The following TMEM132D variants were observed in gnomAD, a reference collection of about 807,000 sequenced individuals.
TMEM132D encodes mature OL transmembrane protein.
TMEM132D carries 21 observed loss-of-function variants against 62.3 expected under a neutral mutation model. The ratio of observed to expected loss-of-function variants is 0.34; its 90% CI spans 0.24 to 0.49. The LOEUF is 0.49. Among genes scored for constraint, TMEM132D ranks in the 20% least tolerant of loss-of-function variants. The probability of loss-of-function intolerance (pLI) is 0.99; values close to 1 mark genes in which losing one functional copy is unlikely to be tolerated. For missense variants in TMEM132D, 1,346 were observed against 1,402.8 expected (o/e 0.96, Z 0.65); for synonymous variants, 621 against 575.6 (o/e 1.08, Z -1.13).
intron 5 of TMEM132D, among the ~76,000 whole-genome samples, chr12:129,181,415 C>A (rs1379030099): frequency 6.6e-6 from 1 of 152,150 alleles, no homozygotes; most frequent in East Asian, 1.9e-4. Context: ...TTTCACCCTG[C>A]TAGGATTCAT....
At chr12:129,688,665 C>T (rs591194) in intron 2 of TMEM132D, among the ~76,000 whole-genome samples, 33,660 of 151,668 alleles carry the variant, frequency 0.22, 4,063 homozygotes, top group Middle Eastern at 0.28. Context: ...ATCCACTCAT[C>T]CTTCCAATAT....
At chr12:129,789,631 G>T (rs1463018299) in intron 1 of TMEM132D, among the ~76,000 whole-genome samples, 4 of 152,198 alleles carry the variant, frequency 2.6e-5, no homozygotes, top group African/African-American at 2.4e-5. Context: ...AGAGGGCATA[G>T]GTTGAAGAAA....
chr12:129,127,960 TG>T, intron 5 of TMEM132D, among the ~76,000 whole-genome samples: 1 of 152,306 alleles, frequency 6.6e-6, no homozygotes, highest in African/African-American at 2.4e-5. Context: ...CATGGGTGCC[TG>T]GGGGAAGCTG....
intron 3 of TMEM132D, among the ~76,000 whole-genome samples, chr12:129,435,161 G>A (rs1872756245): frequency 6.6e-6 from 1 of 152,062 alleles, no homozygotes; most frequent in Non-Finnish European, 1.5e-5. Flanking sequence ...CTTTTTTAAT[G>A]GTGGACTAGC....
intron 3 of TMEM132D, among the ~76,000 whole-genome samples, chr12:129,421,109 C>G (rs1407979854): frequency 6.6e-6 from 1 of 151,808 alleles, no homozygotes; most frequent in East Asian, 1.9e-4. Flanking sequence ...TTACAAGCTC[C>G]CGCCATCACA....
At chr12:129,653,407 A>G (rs941945117) in intron 2 of TMEM132D, among the ~76,000 whole-genome samples, 4 of 152,220 alleles carry the variant, frequency 2.6e-5, no homozygotes, top group African/African-American at 9.6e-5. Context: ...ATCAGGAAAG[A>G]TATTTCTCCA....
At chr12:129,209,185 C>T (rs1878949097) in intron 5 of TMEM132D, among the ~76,000 whole-genome samples, 1 of 152,166 alleles carries the variant, frequency 6.6e-6, no homozygotes, top group African/African-American at 2.4e-5. Context: ...CCCTTCTTCT[C>T]CCCTGCCTGG....
At chr12:129,119,819 T>C (rs1310714183) in intron 5 of TMEM132D, among the ~76,000 whole-genome samples, 1 of 152,080 alleles carries the variant, frequency 6.6e-6, no homozygotes, top group Non-Finnish European at 1.5e-5. Flanking sequence ...GGGAAACAGA[T>C]GTAAATTCAA....
chr12:129,286,639 G>A (rs1018611743), intron 4 of TMEM132D, among the ~76,000 whole-genome samples: 15 of 152,116 alleles, frequency 9.9e-5, no homozygotes, highest in East Asian at 1.9e-4. Context: ...CTGGAGCTCC[G>A]GGCAATCAGG....
chr12:129,744,436 A>T (rs527631943), intron 1 of TMEM132D, among the ~76,000 whole-genome samples: 10 of 152,232 alleles, frequency 6.6e-5, no homozygotes, highest in Non-Finnish European at 1.3e-4. Context: ...CAGCTGGAGC[A>T]GACAGTCTGA....
At chr12:129,692,534 C>A (rs1004591763) in intron 2 of TMEM132D, among the ~76,000 whole-genome samples, 4 of 152,178 alleles carry the variant, frequency 2.6e-5, no homozygotes, top group Admixed American at 6.5e-5. Flanking sequence ...AAGATATATG[C>A]ATGCATATGT....
intron 3 of TMEM132D, among the ~76,000 whole-genome samples, chr12:129,397,209 T>A (rs1445210784): frequency 2.0e-5 from 3 of 152,200 alleles, no homozygotes; most frequent in Non-Finnish European, 4.4e-5. Context: ...ATAGAGAACT[T>A]AATAGATGTT....
chr12:129,570,815 GA>G (rs1189354751), intron 2 of TMEM132D, among the ~76,000 whole-genome samples: 2 of 152,178 alleles, frequency 1.3e-5, no homozygotes, highest in African/African-American at 4.8e-5. Flanking sequence ...TATGAAATAA[GA>G]AAACATCCCC....
At chr12:129,480,900 G>A (rs1874409563) in intron 3 of TMEM132D, among the ~76,000 whole-genome samples, 1 of 152,188 alleles carries the variant, frequency 6.6e-6, no homozygotes, top group Non-Finnish European at 1.5e-5. Context: ...AATTTTCACT[G>A]CAGCATCGTG....
chr12:129,206,996 G>A (rs1174371297), intron 5 of TMEM132D, among the ~76,000 whole-genome samples: 1 of 152,156 alleles, frequency 6.6e-6, no homozygotes, highest in Non-Finnish European at 1.5e-5. Context: ...TACCTCTTGA[G>A]TACTGTGCTT....
rs1400940820 is a variant in TMEM132D, at chr12:129,371,529, GATGATT to G, written c.1116-33718_1116-33713del. Among the ~76,000 whole-genome samples the G allele has an allele frequency of 1.3e-5, 2 of 151,846 alleles. No individual in the cohort carries two copies. The highest frequency in any genetic ancestry group is 2.9e-5 in the Non-Finnish European group (2 of 67,976). On this transcript the variant is annotated intron_variant, in intron 3 of 8. Transcript: ENST00000422113. The surrounding 1 kb of genome is among the most constrained non-coding windows in gnomAD (Gnocchi z 4.3). ...CAATGATAATGGTGGTGATTATGAT[GATGATT>G]ATGATGATGATGATGATGATGGCGA... is the stretch of plus-strand genomic sequence containing the variant.
chr12:129,842,482 G>C (rs1249284216), intron 1 of TMEM132D, among the ~76,000 whole-genome samples: 4 of 151,300 alleles, frequency 2.6e-5, no homozygotes, highest in Non-Finnish European at 5.9e-5. Flanking sequence ...TTTTATATTT[G>C]TTTTGAGATA....
At chr12:129,623,305 T>C (rs1199935167) in intron 2 of TMEM132D, among the ~76,000 whole-genome samples, 1 of 152,198 alleles carries the variant, frequency 6.6e-6, no homozygotes, top group Non-Finnish European at 1.5e-5. Flanking sequence ...TCAATAGCTT[T>C]AGGGGTACAG....
chr12:129,838,846 G>A (rs1873087858), intron 1 of TMEM132D, among the ~76,000 whole-genome samples: 1 of 151,952 alleles, frequency 6.6e-6, no homozygotes, highest in Non-Finnish European at 1.5e-5. Context: ...GTTGGCAAGG[G>A]AACAAGGTAA....
Sources: gnomAD v4.1 joint callset for allele counts (sites outside exome capture counted in the v4.1 genomes callset) on GRCh38, gnomAD v4.1.1 for gene constraint, Gnocchi (gnomAD v3.1) non-coding constraint, MANE v1.5 for transcripts, NCBI Gene and HGNC (gene_info 2026-07-23, HGNC 2026-07-21) for gene names.